Variants in MCF2 observed in about 807,000 individuals in gnomAD.
MCF2 encodes proto-oncogene DBL.
A neutral mutation model predicts 82.5 loss-of-function variants in MCF2; 44 were observed. That is an observed-to-expected ratio of 0.53 (90% confidence interval 0.42 to 0.69). MCF2 has a LOEUF of 0.69. Ranked by LOEUF, MCF2 falls within the 30% of genes least tolerant of loss-of-function variation. The pLI, the probability that MCF2 is intolerant of heterozygous loss-of-function variation, is 0.00. For missense variants in MCF2, 623 were observed against 663.1 expected, an observed-to-expected ratio of 0.94 and a Z score of 0.66; for synonymous variants, 217 against 224.9, an observed-to-expected ratio of 0.96 and a Z score of 0.32.
At position 139,608,013 on chromosome X, in the gene MCF2, T is replaced by C. The variant is rs142637802; in HGVS notation, c.1402-234A>G. Among the ~76,000 whole-genome samples the C allele has an allele frequency of 5.1e-3, 572 of 112,026 alleles. 5 individuals are homozygous for C. Among genetic ancestry groups the C allele is most frequent in the African/African-American group, 0.018 (549 of 30,922 alleles). ...GAACTTATTTTATGTATTAACTCTT[T>C]ATTTATTTGGCATTCTTGGAAAATA... On this transcript the variant is annotated intron_variant, in intron 11 of 24. Transcript: ENST00000370576.
At chrX:139,696,147 C>G (rs148311516) in intron 1 of MCF2, among the ~76,000 whole-genome samples, 5 of 111,134 alleles carry the variant, frequency 4.5e-5, no homozygotes, top group African/African-American at 1.6e-4. Context: ...GATAAACCAG[C>G]CTTATACCAA....
chrX:139,605,735 C>A (rs1216354437), exon 13 of MCF2: 1 of 1,201,085 alleles, frequency 8.3e-7, no homozygotes, highest in South Asian at 1.8e-5. Context: ...ATACAGTTCT[C>A]GAACATAAAC....
At chrX:139,669,452 T>C (rs887468867) in intron 1 of MCF2, among the ~76,000 whole-genome samples, 2 of 112,471 alleles carry the variant, frequency 1.8e-5, no homozygotes, top group African/African-American at 6.5e-5. Flanking sequence ...TTATAAAATG[T>C]AAAATGGTTC....
At chrX:139,641,208 A>G (rs1393785192) in intron 1 of MCF2, among the ~76,000 whole-genome samples, 3 of 107,572 alleles carry the variant, frequency 2.8e-5, no homozygotes, top group Admixed American at 1.0e-4. Context: ...ATATGTATAT[A>G]TATAATTAGG....
At chrX:139,599,028 G>A (rs1000213319) in intron 16 of MCF2, among the ~76,000 whole-genome samples, 4 of 109,893 alleles carry the variant, frequency 3.6e-5, no homozygotes, top group East Asian at 2.9e-4. Flanking sequence ...GTTGGGTTCC[G>A]GGAACATTGT....
At chrX:139,688,423 G>A (rs888211250) in intron 1 of MCF2, among the ~76,000 whole-genome samples, 6 of 111,464 alleles carry the variant, frequency 5.4e-5, no homozygotes, top group African/African-American at 2.0e-4. Flanking sequence ...AATCAGTTAC[G>A]TGGAACACTC....
At chrX:139,623,707 G>T (rs988813227) in intron 6 of MCF2, among the ~76,000 whole-genome samples, 1 of 111,335 alleles carries the variant, frequency 9.0e-6, no homozygotes, top group Non-Finnish European at 1.9e-5. Flanking sequence ...TGTAACAAAC[G>T]TGCATGTGTA....
chrX:139,586,413 T>C (rs1928965658), exon 23 of MCF2: 4 of 1,209,923 alleles, frequency 3.3e-6, no homozygotes, highest in Non-Finnish European at 4.5e-6. Context: ...CGCAATTGCC[T>C]CACAGACCTC....
chrX:139,691,610 C>T (rs1191641639), intron 1 of MCF2, among the ~76,000 whole-genome samples: 1 of 110,462 alleles, frequency 9.1e-6, no homozygotes, highest in Non-Finnish European at 1.9e-5. Context: ...CCTGATCTCA[C>T]CTCCTGCGAG....
chrX:139,620,029 A>G (rs5954001), intron 6 of MCF2, among the ~76,000 whole-genome samples: 31,249 of 91,113 alleles, frequency 0.34, 5,785 homozygotes, highest in Middle Eastern at 0.49. Context: ...GTGTGTGTGT[A>G]TATATATATA....
At chrX:139,598,406 C>T in exon 17 of MCF2, 1 of 1,113,120 alleles carries the variant, frequency 9.0e-7, no homozygotes, top group Non-Finnish European at 1.2e-6. Flanking sequence ...ATATAATTAC[C>T]TTCAACAATA....
Position 139,597,603 on chromosome X carries a change from G to A in MCF2, c.1930-18C>T. On this transcript the variant is annotated intron_variant, in intron 17 of 24. Coordinates refer to ENST00000370576, the Ensembl canonical transcript of MCF2. Reference sequence around the variant, plus strand: ...AATAGCTCCTGTAATTAGAAATCAGGAATTAATATTAGGCAGATATTAATA... The same window carrying A: ...AATAGCTCCTGTAATTAGAAATCAGAAATTAATATTAGGCAGATATTAATA... 8.9e-7 allele frequency: 1 copy of A among 1,120,922 alleles called. No homozygotes were observed. The highest frequency in any genetic ancestry group is 1.2e-6 in the Non-Finnish European group (1 of 836,584). The allele number at this position is 1,120,922 out of a possible 1,213,427, so 92.4% of individuals were successfully genotyped here. A position where few individuals can be genotyped will look rare whatever the true frequency, so the allele number is the denominator to read the frequency against.
intron 16 of MCF2, 142 bp from the exon 21 acceptor site, chrX:139,598,640 C>G: frequency 2.7e-6 from 1 of 363,643 alleles, no homozygotes; most frequent in Non-Finnish European, 4.6e-6. Flanking sequence ...TGTTATAGTA[C>G]AGAAATTATA....
chrX:139,591,424 C>T (rs1053741165), intron 19 of MCF2, among the ~76,000 whole-genome samples: 1 of 110,170 alleles, frequency 9.1e-6, no homozygotes, highest in Non-Finnish European at 1.9e-5. Flanking sequence ...TTCTAAGTTG[C>T]CCTGGAAATC....
chrX:139,616,604 A>C, intron 8 of MCF2, 131 bp from the exon 12 acceptor site: 1 of 345,402 alleles, frequency 2.9e-6, no homozygotes, highest in East Asian at 4.4e-5. Flanking sequence ...TGTTAAAAAA[A>C]AAAAAGATAT....
At chrX:139,662,719 C>A (rs1934389878) in intron 1 of MCF2, among the ~76,000 whole-genome samples, 1 of 110,203 alleles carries the variant, frequency 9.1e-6, no homozygotes, top group Non-Finnish European at 1.9e-5. Context: ...CTATAGTCAC[C>A]CTACTCTACT....
At chrX:139,665,860 T>C (rs1276603010) in intron 1 of MCF2, among the ~76,000 whole-genome samples, 2 of 100,989 alleles carry the variant, frequency 2.0e-5, no homozygotes, top group African/African-American at 7.1e-5. Flanking sequence ...TATAATCCTT[T>C]CCTTTTGATT....
chrX:139,595,871 T>G (rs1454758482), intron 19 of MCF2, among the ~76,000 whole-genome samples: 1 of 111,849 alleles, frequency 8.9e-6, no homozygotes, highest in African/African-American at 3.2e-5. Context: ...AAACCAGCTG[T>G]AAGTATCATT....
rs774692072 is a variant in MCF2 at position 139,699,008 on chromosome X, C to CT, written c.-45+9097dup. Among the ~76,000 whole-genome samples, 7 of 111,911 alleles carry CT rather than the reference C, an allele frequency of 6.3e-5. No homozygotes were observed. In the East Asian group the frequency reaches 2.0e-3, roughly 31 times the overall value. On this transcript the variant is annotated intron_variant, in intron 1 of 27. Coordinates refer to the MCF2 transcript ENST00000414978. ...TATTGCCACATTCCAGGTGAGGAGA[C>CT]TGAGGTTTTGAGGAGCTGAGTTGCC...
Sources: gnomAD v4.1 joint callset for allele counts (sites outside exome capture counted in the v4.1 genomes callset) on GRCh38, gnomAD v4.1.1 for gene constraint, MANE v1.5 for transcripts, NCBI Gene and HGNC (gene_info 2026-07-23, HGNC 2026-07-21) for gene names.